PDS5A: variants seen among roughly 807,000 people sequenced by gnomAD.
The protein encoded by PDS5A is sister chromatid cohesion protein PDS5 homolog A.
PDS5A carries 42 observed loss-of-function variants against 167.1 expected under a neutral mutation model. That is an observed-to-expected ratio of 0.25 (90% CI 0.20 to 0.33). The LOEUF (loss-of-function observed/expected upper bound fraction) is 0.33. PDS5A is among the 10% of genes least tolerant of loss of function. The probability of loss-of-function intolerance (pLI) is 1.00; values close to 1 mark genes in which losing one functional copy is unlikely to be tolerated. For synonymous variants in PDS5A, 553 were observed against 554.6 expected, an observed-to-expected ratio of 1.00 and a Z score of 0.04; for missense variants, 1,033 against 1,605.9, an observed-to-expected ratio of 0.64 and a Z score of 6.10.
intron 17 of PDS5A, among the ~76,000 whole-genome samples, chr4:39,888,175 G>T (rs551878673): frequency 6.7e-6 from 1 of 149,876 alleles, no homozygotes; most frequent in Non-Finnish European, 1.5e-5. Flanking sequence ...GAACCTGGGA[G>T]GTGAAGATTG....
At chr4:39,909,612 T>C (rs1175086936) in intron 10 of PDS5A, among the ~76,000 whole-genome samples, 1 of 152,192 alleles carries the variant, frequency 6.6e-6, no homozygotes, top group Non-Finnish European at 1.5e-5. Context: ...ATCCAGAATA[T>C]TTTATAATCT....
chr4:39,965,976 T>C (rs1282823171), intron 2 of PDS5A, among the ~76,000 whole-genome samples: 1 of 152,194 alleles, frequency 6.6e-6, no homozygotes, highest in African/African-American at 2.4e-5. Context: ...AATTTTAAAA[T>C]ACCTTTTAAA....
intron 2 of PDS5A, among the ~76,000 whole-genome samples, chr4:39,971,604 G>C (rs1218023130): frequency 4.6e-5 from 7 of 151,944 alleles, no homozygotes; most frequent in Admixed American, 4.6e-4. Flanking sequence ...AGATTACAGA[G>C]GTGTGCCACC....
chr4:39,844,114 C>T (rs12502995), intron 30 of PDS5A, among the ~76,000 whole-genome samples: 33,666 of 151,820 alleles, frequency 0.22, 4,700 homozygotes, highest in Middle Eastern at 0.33. Context: ...CCTGCCACTG[C>T]CCTCCAGCCT....
At chr4:39,888,216 A>G (rs1721648339) in intron 17 of PDS5A, among the ~76,000 whole-genome samples, 1 of 141,694 alleles carries the variant, frequency 7.1e-6, no homozygotes, top group Non-Finnish European at 1.5e-5. Context: ...ACTGCACTCC[A>G]GCTGGTGACA....
intron 2 of PDS5A, among the ~76,000 whole-genome samples, chr4:39,929,497 T>C (rs542270844): frequency 4.1e-4 from 56 of 135,428 alleles, no homozygotes; most frequent in Middle Eastern, 3.7e-3. Flanking sequence ...TTGTGGGGCC[T>C]TGTGAGTTAA....
intron 17 of PDS5A, among the ~76,000 whole-genome samples, chr4:39,887,196 T>C (rs1371237781): frequency 6.6e-6 from 1 of 152,136 alleles, no homozygotes; most frequent in Non-Finnish European, 1.5e-5. Flanking sequence ...TTCCAGGTAT[T>C]AGATGAAAGC....
intron 23 of PDS5A, among the ~76,000 whole-genome samples, chr4:39,866,635 G>A (rs1246706524): frequency 6.6e-6 from 1 of 152,144 alleles, no homozygotes; most frequent in Non-Finnish European, 1.5e-5. Context: ...TTATGATTAT[G>A]TATTTACTGG....
rs1724089371 is a variant in PDS5A at position 39,913,624 on chromosome 4, A to C, written c.979T>G (p.Cys327Gly). Residue 327 changes from cysteine (C) to glycine (G), a missense_variant, in exon 9 of 33, where the codon TGT becomes GGT. Transcript: ENST00000303538. ...LATQNRPLWQCFLGRFNDIHV... is the reference protein window; with the variant it reads ...LATQNRPLWQGFLGRFNDIHV... Reference sequence around the variant, plus strand: ...ATGTTCTCTTACCGTCCAAGAAAACATTGCCAAAGAGGACGATTCTGTGTT... The same window carrying C: ...ATGTTCTCTTACCGTCCAAGAAAACCTTGCCAAAGAGGACGATTCTGTGTT... 1 of 1,589,340 alleles carries C rather than the reference A, an allele frequency of 6.3e-7. No individual in the cohort carries two copies. The highest frequency in any genetic ancestry group is 2.2e-5 in the East Asian group (1 of 44,768).
At chr4:39,956,490 C>CAAAA (rs71194945) in intron 2 of PDS5A, among the ~76,000 whole-genome samples, 1 of 92,334 alleles carries the variant, frequency 1.1e-5, no homozygotes, top group African/African-American at 4.5e-5. Context: ...GAGACTGTCT[C>CAAAA]AAAAAAAAAA....
chr4:39,922,548 TA>T, intron 6 of PDS5A, 73 bp downstream of exon 6: 1 of 1,299,554 alleles, frequency 7.7e-7, no homozygotes. Flanking sequence ...CAAATGGCCA[TA>T]AAACAACTGT....
chr4:39,910,138 C>T, intron 10 of PDS5A, 106 bp downstream of exon 10: 1 of 573,030 alleles, frequency 1.7e-6, no homozygotes, highest in East Asian at 2.9e-5. Flanking sequence ...AACACGAGAC[C>T]ATACCAGAGT....
rs551503272 is a variant in PDS5A at position 39,975,232 on chromosome 4, C to T, written c.138+1208G>A. Among the ~76,000 whole-genome samples the T allele has an allele frequency of 3.3e-5, 5 of 152,120 alleles. No homozygotes were observed. In the East Asian group the frequency reaches 7.7e-4, roughly 23 times the overall value. ...TGGAGGTTGCAGTGAGCTGAGATCC[C>T]GCCGCCGCACACAGATTTGTTTTAA... On this transcript the variant is annotated intron_variant, in intron 2 of 32. Coordinates refer to ENST00000303538, the MANE Select transcript of PDS5A (RefSeq NM_001100399.2).
intron 2 of PDS5A, among the ~76,000 whole-genome samples, chr4:39,969,818 G>A (rs1730329964): frequency 6.6e-6 from 1 of 151,860 alleles, no homozygotes; most frequent in South Asian, 2.1e-4. Context: ...TATGTGCCAG[G>A]CATTAAGCTT....
At chr4:39,934,503 T>G (rs1726382731) in intron 2 of PDS5A, among the ~76,000 whole-genome samples, 1 of 152,306 alleles carries the variant, frequency 6.6e-6, no homozygotes, top group Admixed American at 6.5e-5. Flanking sequence ...TATCATACAC[T>G]TATGAGAATT....
intron 10 of PDS5A, among the ~76,000 whole-genome samples, chr4:39,909,571 A>G (rs757627771): frequency 1.3e-5 from 2 of 152,258 alleles, no homozygotes; most frequent in Non-Finnish European, 2.9e-5. Flanking sequence ...TTTAGCTGAC[A>G]GGTATATACT....
rs189729841 is a variant in PDS5A, at chr4:39,864,405, A to C, written c.2643-946T>G. On this transcript the variant is annotated intron_variant, in intron 23 of 32. Coordinates refer to ENST00000303538, the MANE Select transcript of PDS5A (RefSeq NM_001100399.2). ...CTCCTTTTGCAGAGTAAAGTTTTCA[A>C]ATGGAACCTATGAAGCCTTGGCACT... is the stretch of plus-strand genomic sequence containing the variant. Among the ~76,000 whole-genome samples, 82 of 152,262 alleles carry C rather than the reference A, an allele frequency of 5.4e-4. 1 individual carries two copies. Among genetic ancestry groups the C allele is most frequent in the Admixed American group, 4.9e-3 (75 of 15,286 alleles).
Position 39,890,502 on chromosome 4 carries a change from T to G in PDS5A, c.1771-138A>C, listed in dbSNP as rs148908150. 1.7e-3 allele frequency: 956 copies of G among 555,086 alleles called. 10 individuals are homozygous for G. The highest frequency in any genetic ancestry group is 0.016 in the African/African-American group (860 of 52,618). 34.4% of individuals were successfully genotyped at this position (555,086 alleles called of 1,614,324 possible). ...CTGCTCTAGACCCTGACTAAAATTTTTACACCCCGAGCAATGACTGAAAAA... is the reference window on the plus strand; with the variant it reads ...CTGCTCTAGACCCTGACTAAAATTTGTACACCCCGAGCAATGACTGAAAAA... On this transcript the variant is annotated intron_variant, in intron 16 of 32. Transcript: ENST00000303538.
At chr4:39,951,095 G>T (rs1578810383) in intron 2 of PDS5A, among the ~76,000 whole-genome samples, 1 of 152,050 alleles carries the variant, frequency 6.6e-6, no homozygotes, top group Non-Finnish European at 1.5e-5. Flanking sequence ...GCTTCACTAT[G>T]TTGCCCAGGC....
Sources: allele counts gnomAD v4.1 joint callset (sites outside exome capture counted in the v4.1 genomes callset), GRCh38; gene constraint gnomAD v4.1.1; transcripts MANE v1.5; gene names NCBI Gene and HGNC (gene_info 2026-07-23, HGNC 2026-07-21).